The following OPCML variants were observed in gnomAD, a reference collection of about 807,000 sequenced individuals.
OPCML encodes the protein opioid-binding protein/cell adhesion molecule.
A neutral mutation model predicts 37.8 loss-of-function variants in OPCML; 13 were observed. That is an observed-to-expected ratio of 0.34 (90% CI 0.22 to 0.55). The LOEUF (loss-of-function observed/expected upper bound fraction) is 0.55. Ranked by LOEUF, OPCML falls within the 20% of genes least tolerant of loss-of-function variation. The pLI is 0.91. For synonymous variants in OPCML, 176 were observed against 168.8 expected (o/e 1.04, Z -0.33); for missense variants, 341 against 435.6 (o/e 0.78, Z 1.93).
At chr11:132,724,825 T>A (rs1461946047) in intron 2 of OPCML, among the ~76,000 whole-genome samples, 1 of 152,182 alleles carries the variant, frequency 6.6e-6, no homozygotes, top group African/African-American at 2.4e-5. Context: ...CATGCAAGTC[T>A]GAAATCCAGT....
intron 2 of OPCML, among the ~76,000 whole-genome samples, chr11:132,724,055 C>T (rs368057638): frequency 1.1e-4 from 17 of 151,772 alleles, no homozygotes; most frequent in Non-Finnish European, 2.1e-4. Context: ...TACATAGATG[C>T]CTGTCAGAGT....
chr11:132,620,648 G>T (rs11223152), intron 3 of OPCML, among the ~76,000 whole-genome samples: 44,223 of 152,102 alleles, frequency 0.29, 7,779 homozygotes, highest in Non-Finnish European at 0.4. Flanking sequence ...AGCCATGCAG[G>T]ATGTCTACAA....
intron 2 of OPCML, among the ~76,000 whole-genome samples, chr11:132,665,491 A>T (rs1565758819): frequency 6.6e-6 from 1 of 152,188 alleles, no homozygotes; most frequent in South Asian, 2.1e-4. Flanking sequence ...GAAAGGAGTG[A>T]TTTATATGGA....
rs551978493 is a variant in OPCML, at chr11:132,493,063, A to C, written c.505+35998T>G. On this transcript the variant is annotated intron_variant, in intron 4 of 7. Coordinates refer to ENST00000524381, the MANE Select transcript of OPCML (RefSeq NM_001012393.5). Reference sequence around the variant, plus strand: ...CTAGATTGCCTGTTTCCAGGACCAGATGTGAGAACAAAGAAGCCATAAAAA... The same window carrying C: ...CTAGATTGCCTGTTTCCAGGACCAGCTGTGAGAACAAAGAAGCCATAAAAA... 5.9e-5 allele frequency among the ~76,000 whole-genome samples: 9 copies of C among 152,308 alleles called. No individual in the cohort carries two copies. The South Asian group carries it at 1.7e-3, about 28-fold the overall frequency.
intron 3 of OPCML, among the ~76,000 whole-genome samples, chr11:132,573,768 C>T (rs1490803899): frequency 6.6e-6 from 1 of 151,848 alleles, no homozygotes; most frequent in Non-Finnish European, 1.5e-5. Flanking sequence ...AGAAGTGTTT[C>T]CTCGTTTTAA....
intron 1 of OPCML, among the ~76,000 whole-genome samples, chr11:133,082,343 A>C (rs1948737495): frequency 6.7e-6 from 1 of 149,442 alleles, no homozygotes. Context: ...GGGTCTGCCC[A>C]AGGCAGAGGA....
At chr11:133,207,773 A>AG (rs1939152128) in intron 1 of OPCML, among the ~76,000 whole-genome samples, 1 of 152,180 alleles carries the variant, frequency 6.6e-6, no homozygotes. Flanking sequence ...TTGGCAGCCC[A>AG]GGCTTCTAGA....
chr11:132,825,755 G>T (rs1250511423), intron 2 of OPCML, among the ~76,000 whole-genome samples: 3 of 152,274 alleles, frequency 2.0e-5, no homozygotes, highest in African/African-American at 4.8e-5. Context: ...ATTATTAATT[G>T]GTAGAATGTC....
chr11:132,767,583 T>C (rs76612911), intron 2 of OPCML, among the ~76,000 whole-genome samples: 1 of 152,182 alleles, frequency 6.6e-6, no homozygotes, highest in African/African-American at 2.4e-5. Flanking sequence ...TGCCATTTGC[T>C]CCCTCTGGCT....
At chr11:132,474,269 A>G (rs553830538) in intron 4 of OPCML, among the ~76,000 whole-genome samples, 1 of 143,762 alleles carries the variant, frequency 7.0e-6, no homozygotes, top group Admixed American at 7.3e-5. Flanking sequence ...TCCTTGGCCC[A>G]GTTTTTACCC....
intron 1 of OPCML, among the ~76,000 whole-genome samples, chr11:133,230,705 T>C (rs1486581964): frequency 6.6e-6 from 1 of 152,196 alleles, no homozygotes; most frequent in Non-Finnish European, 1.5e-5. Flanking sequence ...AGCCTCAGCC[T>C]GGCCACCCCA....
intron 1 of OPCML, among the ~76,000 whole-genome samples, chr11:133,107,244 G>C (rs933154036): frequency 6.6e-6 from 1 of 152,162 alleles, no homozygotes; most frequent in Admixed American, 6.6e-5. Flanking sequence ...ATTATTAACT[G>C]GAACTTATAA....
At chr11:132,921,672 A>G (rs931033013) in intron 2 of OPCML, among the ~76,000 whole-genome samples, 1 of 152,182 alleles carries the variant, frequency 6.6e-6, no homozygotes, top group Admixed American at 6.5e-5. Flanking sequence ...TCAGAGAGAA[A>G]TTCTGGAGAA....
chr11:133,468,234 T>C (rs902729685), intron 1 of OPCML, among the ~76,000 whole-genome samples: 1 of 152,158 alleles, frequency 6.6e-6, no homozygotes, highest in African/African-American at 2.4e-5. Flanking sequence ...CATGGCAGGG[T>C]CAAAGCACAG....
chr11:133,490,286 T>C (rs1284350249), intron 1 of OPCML, among the ~76,000 whole-genome samples: 1 of 152,224 alleles, frequency 6.6e-6, no homozygotes, highest in African/African-American at 2.4e-5. Context: ...GACCTACATA[T>C]TAAAGATGAA....
At chr11:133,170,894 G>A (rs899389876) in intron 1 of OPCML, among the ~76,000 whole-genome samples, 33 of 152,338 alleles carry the variant, frequency 2.2e-4, no homozygotes, top group African/African-American at 7.5e-4. Flanking sequence ...GAGCAAAGAA[G>A]TGGTCAGTAA....
chr11:132,983,019 C>T (rs534266035), intron 1 of OPCML, among the ~76,000 whole-genome samples: 1 of 152,336 alleles, frequency 6.6e-6, no homozygotes, highest in South Asian at 2.1e-4. Flanking sequence ...GATTGGAACA[C>T]TCCTTGCCAA....
chr11:132,660,241 C>A (rs1941904442), intron 2 of OPCML, among the ~76,000 whole-genome samples: 1 of 152,026 alleles, frequency 6.6e-6, no homozygotes, highest in Admixed American at 6.6e-5. Context: ...TTAGAGAAAC[C>A]TTGTTCACAT....
chr11:132,742,183 A>T (rs1161074706), intron 2 of OPCML, among the ~76,000 whole-genome samples: 1 of 152,206 alleles, frequency 6.6e-6, no homozygotes, highest in African/African-American at 2.4e-5. Flanking sequence ...CTACTATTCC[A>T]ATGGATCACT....
Sources: gnomAD v4.1 joint callset for allele counts (sites outside exome capture counted in the v4.1 genomes callset) on GRCh38, gnomAD v4.1.1 for gene constraint, MANE v1.5 for transcripts, NCBI Gene and HGNC (gene_info 2026-07-23, HGNC 2026-07-21) for gene names.